The following BRMS1L variants were observed in gnomAD, a reference collection of about 807,000 sequenced individuals.
The protein encoded by BRMS1L is BRMS1 like transcriptional repressor, also known as breast cancer metastasis-suppressor 1-like protein.
Under a neutral mutation model 50.3 loss-of-function variants are expected in BRMS1L, and 23 were observed. The ratio of observed to expected loss-of-function variants is 0.46; its 90% CI spans 0.33 to 0.65. The LOEUF (loss-of-function observed/expected upper bound fraction) is 0.65, where lower values mean the gene tolerates loss of function less well. BRMS1L is among the 30% of genes least tolerant of loss of function. BRMS1L has a pLI of 0.02. For missense variants in BRMS1L, 286 were observed against 386.1 expected (o/e 0.74, Z 2.17); for synonymous variants, 114 against 126.9 (o/e 0.90, Z 0.69).
chr14:35,844,369 G>A (rs978042323), intron 4 of BRMS1L, among the ~76,000 whole-genome samples: 1 of 152,170 alleles, frequency 6.6e-6, no homozygotes, highest in Non-Finnish European at 1.5e-5. Flanking sequence ...CATGGGGAAA[G>A]CGTAGTATCA....
chr14:35,841,073 A>G lies in BRMS1L; in HGVS notation c.441+6150A>G, dbSNP rs866462395. 4.6e-5 allele frequency among the ~76,000 whole-genome samples: 7 copies of G among 152,172 alleles called. No individual in the cohort carries two copies. In the South Asian group the frequency reaches 8.3e-4, roughly 18 times the overall value. ...GTGTCTTTGTTCTCACTGGTTTCAAATAACTTATTTATTTCTGCCTTAATT... is the reference window on the plus strand; with the variant it reads ...GTGTCTTTGTTCTCACTGGTTTCAAGTAACTTATTTATTTCTGCCTTAATT... On this transcript the variant is annotated intron_variant, in intron 4 of 9. Transcript: ENST00000216807.
intron 4 of BRMS1L, among the ~76,000 whole-genome samples, chr14:35,845,905 A>T (rs1258073869): frequency 6.6e-6 from 1 of 152,186 alleles, no homozygotes; most frequent in Non-Finnish European, 1.5e-5. Context: ...ATGCCACTGC[A>T]CCTGGCTATG....
rs910257063 is a variant in BRMS1L, at chr14:35,870,847, CA to C, written c.*371del. 6.3e-6 allele frequency: 1 copy of C among 157,584 alleles called. No homozygotes were observed. Among genetic ancestry groups the C allele is most frequent in the Non-Finnish European group, 1.4e-5 (1 of 71,776 alleles). The allele number at this position is 157,584 out of a possible 1,614,324, so 9.8% of individuals were successfully genotyped here. A position where few individuals can be genotyped will look rare whatever the true frequency, so the allele number is the denominator to read the frequency against. ...TAAAATTTTCCATATCTTTGTCATT[CA>C]TTGTGTGTTTGTAAATAAGGCCGAT... On this transcript the variant is annotated 3_prime_UTR_variant, in exon 10 of 10. Transcript: ENST00000216807.
At chr14:35,860,224 G>A (rs1283556759) in intron 4 of BRMS1L, among the ~76,000 whole-genome samples, 2 of 151,904 alleles carry the variant, frequency 1.3e-5, no homozygotes, top group Non-Finnish European at 2.9e-5. Flanking sequence ...CCACCTTCTG[G>A]GCTCAAGCGA....
chr14:35,835,018 T>G, intron 4 of BRMS1L, 95 bp downstream of exon 4: 4 of 712,846 alleles, frequency 5.6e-6, no homozygotes, highest in Non-Finnish European at 8.2e-6. Context: ...AAAACAATAT[T>G]AAATAGTACT....
intron 4 of BRMS1L, among the ~76,000 whole-genome samples, chr14:35,855,828 T>A (rs2078272540): frequency 6.6e-6 from 1 of 152,190 alleles, no homozygotes; most frequent in South Asian, 2.1e-4. Flanking sequence ...GTCATTGTAA[T>A]CCTTTCAACA....
At position 35,859,423 on chromosome 14, in the gene BRMS1L, A is replaced by G. The variant is rs552221127; in HGVS notation, c.442-3167A>G. Among the ~76,000 whole-genome samples the G allele has an allele frequency of 5.9e-5, 9 of 152,316 alleles. 1 individual carries two copies. The South Asian group carries it at 1.7e-3, about 28-fold the overall frequency. ...CATGTTTCCTCAGAATTTTGAAGGC[A>G]TTGTTCCATTATCTTCTAGCTTCCA... On this transcript the variant is annotated intron_variant, in intron 4 of 9. Transcript: ENST00000216807.
intron 4 of BRMS1L, among the ~76,000 whole-genome samples, chr14:35,853,467 G>A (rs952615513): frequency 3.9e-5 from 6 of 152,088 alleles, no homozygotes; most frequent in African/African-American, 1.4e-4. Flanking sequence ...CAGCTGGAGT[G>A]CAGTGGTGTG....
At chr14:35,860,807 G>A (rs1392413749) in intron 4 of BRMS1L, among the ~76,000 whole-genome samples, 2 of 152,230 alleles carry the variant, frequency 1.3e-5, no homozygotes, top group African/African-American at 4.8e-5. Flanking sequence ...CTCTCCTGAT[G>A]AGAAACAGCA....
intron 4 of BRMS1L, among the ~76,000 whole-genome samples, chr14:35,854,975 C>T (rs1010445586): frequency 6.6e-6 from 1 of 152,208 alleles, no homozygotes; most frequent in Non-Finnish European, 1.5e-5. Flanking sequence ...AAACTTTTCC[C>T]CCCCTCTTAC....
At chr14:35,845,635 A>G (rs966364622) in intron 4 of BRMS1L, among the ~76,000 whole-genome samples, 4 of 152,208 alleles carry the variant, frequency 2.6e-5, no homozygotes, top group Non-Finnish European at 4.4e-5. Flanking sequence ...AGATTCATAA[A>G]CTGAGTTAAG....
At chr14:35,842,111 T>C (rs900091772) in intron 4 of BRMS1L, among the ~76,000 whole-genome samples, 1 of 151,974 alleles carries the variant, frequency 6.6e-6, no homozygotes, top group Admixed American at 6.6e-5. Flanking sequence ...TACAGCATGC[T>C]GATGGGTCTT....
In BRMS1L at chr14:35,850,012, G is replaced by A. The variant is rs527989982; in HGVS notation, c.442-12578G>A. Among the ~76,000 whole-genome samples, 61 of 148,830 alleles carry A rather than the reference G, an allele frequency of 4.1e-4. No individual in the cohort carries two copies. The South Asian group carries it at 0.011, about 27-fold the overall frequency. ...TATTTTTTGTATTTCTAGTAGAGAC[G>A]GGGTTTCACCGTGTTGGCCAGGCTG... On this transcript the variant is annotated intron_variant, in intron 4 of 9. Coordinates refer to ENST00000216807, the MANE Select transcript of BRMS1L (RefSeq NM_032352.4).
intron 4 of BRMS1L, among the ~76,000 whole-genome samples, chr14:35,859,409 A>G (rs1430972110): frequency 6.6e-6 from 1 of 152,202 alleles, no homozygotes; most frequent in Non-Finnish European, 1.5e-5. Context: ...ATGTTTCCTC[A>G]GAATTTTGAA....
rs1189137363 is a variant in BRMS1L, at chr14:35,871,196, A to C, written c.*719A>C. 6.6e-6 allele frequency: 1 copy of C among 152,586 alleles called. No individual in the cohort carries two copies. The highest frequency in any genetic ancestry group is 6.5e-5 in the Admixed American group (1 of 15,268). 9.5% of individuals were successfully genotyped at this position (152,586 alleles called of 1,614,324 possible). ...CTACCTGTATTTCTAGTGACCCTTTAGCGGCAGGTATTTATACCTGGTATT... is the reference window on the plus strand; with the variant it reads ...CTACCTGTATTTCTAGTGACCCTTTCGCGGCAGGTATTTATACCTGGTATT... On this transcript the variant is annotated 3_prime_UTR_variant, in exon 10 of 10. Transcript: ENST00000216807.
chr14:35,835,618 G>A (rs1274564080), intron 4 of BRMS1L, among the ~76,000 whole-genome samples: 1 of 152,178 alleles, frequency 6.6e-6, no homozygotes, highest in East Asian at 1.9e-4. Flanking sequence ...TGAGGCGAGA[G>A]GATTTCTTGA....
intron 4 of BRMS1L, among the ~76,000 whole-genome samples, chr14:35,850,916 C>T (rs2078204105): frequency 6.6e-6 from 1 of 152,070 alleles, no homozygotes. Flanking sequence ...TTGTTTTGTT[C>T]AGTTTTATTT....
intron 4 of BRMS1L, among the ~76,000 whole-genome samples, chr14:35,852,556 ATTTATTCCTAATTGT>A (rs1265081205): frequency 1.3e-5 from 2 of 152,128 alleles, no homozygotes; most frequent in Admixed American, 6.5e-5. Flanking sequence ...CTTAGGTTAA[ATTTATTCCTAATTGT>A]TTTATTCCTA....
rs879688087 is a variant in BRMS1L, at chr14:35,871,773, T to A, written c.*1296T>A. ...CATAGTTGCCAAATTTTAAAACACT[T>A]AACTGCTGAAATTCAGTGTCAGCAA... On this transcript the variant is annotated 3_prime_UTR_variant, in exon 10 of 10. Transcript: ENST00000216807. 6.6e-6 allele frequency: 1 copy of A among 152,668 alleles called. No individual in the cohort carries two copies. The highest frequency in any genetic ancestry group is 1.5e-5 in the Non-Finnish European group (1 of 68,040). 9.5% of individuals were successfully genotyped at this position (152,668 alleles called of 1,614,324 possible).
Sources: gnomAD v4.1 joint callset for allele counts (sites outside exome capture counted in the v4.1 genomes callset) on GRCh38, gnomAD v4.1.1 for gene constraint, MANE v1.5 for transcripts, NCBI Gene and HGNC (gene_info 2026-07-23, HGNC 2026-07-21) for gene names.